DCLRE1B: variants seen among roughly 807,000 people sequenced by gnomAD.
DCLRE1B encodes 5' exonuclease Apollo.
A neutral mutation model predicts 19.8 loss-of-function variants in DCLRE1B; 6 were observed. The ratio of observed to expected loss-of-function variants is 0.30; its 90% CI spans 0.17 to 0.60. The LOEUF is 0.60. DCLRE1B is among the 20% of genes least tolerant of loss of function. The pLI is 0.87. For missense variants in DCLRE1B, 622 were observed against 654.2 expected, an observed-to-expected ratio of 0.95 and a Z score of 0.54; for synonymous variants, 258 against 255.7, an observed-to-expected ratio of 1.01 and a Z score of -0.09.
chr1:113,905,990 C>T (rs1295668094), intron 1 of DCLRE1B, among the ~76,000 whole-genome samples: 1 of 150,614 alleles, frequency 6.6e-6, no homozygotes, highest in Non-Finnish European at 1.5e-5. Context: ...TTAATCCAGC[C>T]AAGGAAACTA....
At chr1:113,906,948 T>A (rs1318292902) in intron 1 of DCLRE1B, 48 bp from the exon 2 acceptor site, 1 of 1,604,020 alleles carries the variant, frequency 6.2e-7, no homozygotes, top group Non-Finnish European at 8.5e-7. Flanking sequence ...CCCGGGGAGG[T>A]AACGGAGAGG....
Position 113,911,850 on chromosome 1 carries a change from A to G in DCLRE1B, c.1258A>G (p.Lys420Glu). 6.2e-7 allele frequency: 1 copy of G among 1,614,234 alleles called. No individual in the cohort carries two copies. Among genetic ancestry groups the G allele is most frequent in the Non-Finnish European group, 8.5e-7 (1 of 1,180,040 alleles). The change falls in exon 4 of 4, where the codon AAG (lysine) becomes GAG (glutamate). Residue 420 changes from lysine to glutamate, a missense_variant. By Grantham distance (56) the Lys-to-Glu change is moderately conservative (BLOSUM62 1). Coordinates refer to ENST00000650450, the MANE Select transcript of DCLRE1B (RefSeq NM_022836.4). ...NKAVPFCESQKRVTMLTAPLG... is the reference protein window; with the variant it reads ...NKAVPFCESQERVTMLTAPLG... ...GGCAGTGCCTTTCTGTGAGTCTCAA[A>G]AGAGGGTGACTATGTTGACGGCCCC...
intron 1 of DCLRE1B, among the ~76,000 whole-genome samples, chr1:113,906,046 CTTTTTTTTT>C (rs1159693224): frequency 2.9e-5 from 2 of 68,102 alleles, no homozygotes; most frequent in African/African-American, 6.9e-5. Context: ...CCAAACTTGC[CTTTTTTTTT>C]TTTTTTTTTT....
In DCLRE1B at chr1:113,912,781, G is replaced by A. The variant is rs925090858; in HGVS notation, c.*590G>A. 2 of 152,446 alleles carry A rather than the reference G, an allele frequency of 1.3e-5. No individual in the cohort carries two copies. The highest frequency in any genetic ancestry group is 2.4e-5 in the African/African-American group (1 of 41,432). The allele number at this position is 152,446 out of a possible 1,614,324, so 9.4% of individuals were successfully genotyped here. On this transcript the variant is annotated 3_prime_UTR_variant, in exon 4 of 4. Coordinates refer to ENST00000650450, the MANE Select transcript of DCLRE1B (RefSeq NM_022836.4). ...CTGCCTCTGGGAGGGAACAGGAAGC[G>A]ATGAAGAGGTCTTGGAACAGTAGTG... is the stretch of plus-strand genomic sequence containing the variant.
Position 113,905,624 on chromosome 1 carries a change from T to C in DCLRE1B, c.38T>C (p.Val13Ala). ...GVLIPHTPIAVDFWSLRRAGT... is the reference protein window; with the variant it reads ...GVLIPHTPIAADFWSLRRAGT... ...CTGATCCCCCATACGCCCATCGCAG[T>C]GGACTTCTGGAGCCTGCGCCGGGCT... Residue 13 changes from valine (V) to alanine (A), a missense_variant, in exon 1 of 4, where the codon GTG (valine) becomes GCG (alanine). Val to Ala is a moderately conservative substitution (Grantham distance 64). This residue lies in a region of DCLRE1B where 237 missense variants were observed against 223.8 expected (regional missense o/e 1.06). Coordinates refer to ENST00000650450, the MANE Select transcript of DCLRE1B (RefSeq NM_022836.4). 1 of 1,614,212 alleles carries C rather than the reference T, an allele frequency of 6.2e-7. No homozygotes were observed. Among genetic ancestry groups the C allele is most frequent in the Non-Finnish European group, 8.5e-7 (1 of 1,180,036 alleles).
chr1:113,905,631 C>T lies in DCLRE1B; in HGVS notation c.45C>T (p.Phe15=). 2 of 1,614,216 alleles carry T rather than the reference C, an allele frequency of 1.2e-6. No homozygotes were observed. The highest frequency in any genetic ancestry group is 1.7e-6 in the Non-Finnish European group (2 of 1,180,040). ...CCCATACGCCCATCGCAGTGGACTT[C>T]TGGAGCCTGCGCCGGGCTGGCACCG... is the stretch of plus-strand genomic sequence containing the variant. ...LIPHTPIAVD[F]WSLRRAGTAR... Residue 15 remains phenylalanine, a synonymous_variant, in exon 1 of 4, where the codon TTC becomes TTT. Transcript: ENST00000650450.
In DCLRE1B at chr1:113,905,560, CCCACTGGTGACT is replaced by C; in HGVS notation, c.-23_-12del. On this transcript the variant is annotated 5_prime_UTR_variant, in exon 1 of 4. It removes the in-frame stop codon of an upstream open reading frame in the 5' UTR. Transcript: ENST00000650450. ...GGAGCCCTGCCCCCGTGGAGAAGAT[CCCACTGGTGACT>C]CCAACCCTACCACCATGAATGGGGT... 1.2e-6 allele frequency: 2 copies of C among 1,607,738 alleles called. No homozygotes were observed. The highest frequency in any genetic ancestry group is 1.7e-6 in the Non-Finnish European group (2 of 1,177,152).
Position 113,913,839 on chromosome 1 carries a change from T to G in DCLRE1B, c.*1648T>G, listed in dbSNP as rs1669353475. ...ATCTTTTAGTTTTTTTTTCTATGCATGTAGATGTATTAAATATGTAAATGT... is the reference window on the plus strand; with the variant it reads ...ATCTTTTAGTTTTTTTTTCTATGCAGGTAGATGTATTAAATATGTAAATGT... On this transcript the variant is annotated 3_prime_UTR_variant, in exon 4 of 4. Transcript: ENST00000650450. 1 of 152,242 alleles carries G rather than the reference T, an allele frequency of 6.6e-6. No individual in the cohort carries two copies. The allele number at this position is 152,242 out of a possible 1,614,324, so 9.4% of individuals were successfully genotyped here.
Position 113,905,647 on chromosome 1 carries a change from G to A in DCLRE1B, c.61G>A (p.Ala21Thr), listed in dbSNP as rs142343310. The A allele has an allele frequency of 6.2e-7, 1 of 1,614,170 alleles. No homozygotes were observed. Among genetic ancestry groups the A allele is most frequent in the Non-Finnish European group, 8.5e-7 (1 of 1,180,038 alleles). ...AGTGGACTTCTGGAGCCTGCGCCGG[G>A]CTGGCACCGCACGTCTCTTCTTCTT... ...IAVDFWSLRR[A>T]GTARLFFLSH... The change falls in exon 1 of 4, where the codon GCT becomes ACT. Residue 21 changes from alanine (A) to threonine (T), a missense_variant. Physicochemically the swap from Ala to Thr is moderately conservative, Grantham distance 58. Coordinates refer to ENST00000650450, the MANE Select transcript of DCLRE1B (RefSeq NM_022836.4).
At position 113,905,770 on chromosome 1, in the gene DCLRE1B, C is replaced by G. The variant is rs1668897089; in HGVS notation, c.184C>G (p.Leu62Val). The change falls in exon 1 of 4, where the codon CTA becomes GTA. Residue 62 changes from leucine to valine, a missense_variant. By Grantham distance (32) the Leu-to-Val change is conservative (BLOSUM62 1). Transcript: ENST00000650450. ...PITAHLLHRH[L>V]QVSKQWIQAL... ...TACAGCCCACCTCTTGCATCGTCAC[C>G]TACAGGTATGGGGCTGGAGTCGGTC... 6.2e-7 allele frequency: 1 copy of G among 1,612,660 alleles called. No homozygotes were observed. Among genetic ancestry groups the G allele is most frequent in the Non-Finnish European group, 8.5e-7 (1 of 1,179,186 alleles).
At chr1:113,908,478 C>T (rs1411996892) in intron 3 of DCLRE1B, among the ~76,000 whole-genome samples, 8 of 152,110 alleles carry the variant, frequency 5.3e-5, no homozygotes, top group Non-Finnish European at 7.3e-5. Flanking sequence ...CACGATGGTG[C>T]GTGCCTGTGG....
chr1:113,904,753 C>T, upstream of DCLRE1B: 2 of 1,572,656 alleles, frequency 1.3e-6, no homozygotes, highest in Non-Finnish European at 1.7e-6. Flanking sequence ...CCACAGCTCC[C>T]ACGGTAACTC....
Position 113,912,935 on chromosome 1 carries a change from A to G in DCLRE1B, c.*744A>G, listed in dbSNP as rs1669320912. ...GCAGTACCTAGAGCCCAGCTGAACAACAAGGCTTTGGGTGTGAAGGGACTC... is the reference window on the plus strand; with the variant it reads ...GCAGTACCTAGAGCCCAGCTGAACAGCAAGGCTTTGGGTGTGAAGGGACTC... On this transcript the variant is annotated 3_prime_UTR_variant, in exon 4 of 4. Transcript: ENST00000650450. The G allele has an allele frequency of 6.6e-6, 1 of 152,648 alleles. No individual in the cohort carries two copies. The highest frequency in any genetic ancestry group is 2.1e-4 in the South Asian group (1 of 4,816). The allele number at this position is 152,648 out of a possible 1,614,324, so 9.5% of individuals were successfully genotyped here. A position where few individuals can be genotyped will look rare whatever the true frequency, so the allele number is the denominator to read the frequency against.
At position 113,912,674 on chromosome 1, in the gene DCLRE1B, T is replaced by A. The variant is rs1669310194; in HGVS notation, c.*483T>A. 2 of 152,904 alleles carry A rather than the reference T, an allele frequency of 1.3e-5. No homozygotes were observed. The highest frequency in any genetic ancestry group is 4.8e-5 in the African/African-American group (2 of 41,462). 9.5% of individuals were successfully genotyped at this position (152,904 alleles called of 1,614,324 possible). A position where few individuals can be genotyped will look rare whatever the true frequency, so the allele number is the denominator to read the frequency against. ...CAAAATCCCTAGGGAGTTCTATTTT[T>A]AAAATTATGAACTATGGCGCTGCAT... is the stretch of plus-strand genomic sequence containing the variant. On this transcript the variant is annotated 3_prime_UTR_variant, in exon 4 of 4. Transcript: ENST00000650450.
At chr1:113,910,075 T>G (rs1056353117) in intron 3 of DCLRE1B, among the ~76,000 whole-genome samples, 6 of 152,232 alleles carry the variant, frequency 3.9e-5, no homozygotes, top group African/African-American at 1.4e-4. Flanking sequence ...CTCCATTTCT[T>G]TCTCTGTAAG....
At chr1:113,906,411 C>G (rs956440040) in intron 1 of DCLRE1B, among the ~76,000 whole-genome samples, 5 of 151,458 alleles carry the variant, frequency 3.3e-5, no homozygotes, top group African/African-American at 7.3e-5. Context: ...TTCTCCAGCT[C>G]TCTCCCCACC....
chr1:113,905,795 C>A lies in DCLRE1B; in HGVS notation c.189+20C>A. On this transcript the variant is annotated intron_variant, in intron 1 of 3. Coordinates refer to ENST00000650450, the MANE Select transcript of DCLRE1B (RefSeq NM_022836.4). ...CTACAGGTATGGGGCTGGAGTCGGT[C>A]TCCGAGAGCTGGTCCAGGCATCTGG... 2 of 1,595,968 alleles carry A rather than the reference C, an allele frequency of 1.3e-6. No homozygotes were observed. The highest frequency in any genetic ancestry group is 2.2e-5 in the South Asian group (2 of 89,768).
At position 113,911,115 on chromosome 1, in the gene DCLRE1B, A is replaced by C; in HGVS notation, c.539-16A>C. The stretch of plus-strand genomic sequence containing the variant: ...TTCCTTCTCTTACTTTCCCCAATAC[A>C]TTGAACATTATTTAGGACTCTACAG... On this transcript the variant is annotated splice_polypyrimidine_tract_variant and intron_variant, in intron 3 of 3. Coordinates refer to ENST00000650450, the MANE Select transcript of DCLRE1B (RefSeq NM_022836.4). 6.3e-7 allele frequency: 1 copy of C among 1,595,572 alleles called. No homozygotes were observed.
intron 3 of DCLRE1B, 74 bp downstream of exon 3, chr1:113,908,265 C>G: frequency 6.5e-7 from 1 of 1,543,814 alleles, no homozygotes; most frequent in South Asian, 1.3e-5. Context: ...TCACATCTTT[C>G]AGATCTTTGT....
Sources: allele counts gnomAD v4.1 joint callset (sites outside exome capture counted in the v4.1 genomes callset), GRCh38; gene constraint gnomAD v4.1.1; regional missense constraint gnomAD v4.1.1; transcripts MANE v1.5; gene names NCBI Gene and HGNC (gene_info 2026-07-23, HGNC 2026-07-21).